ABRAXAS1: variants seen among roughly 807,000 people sequenced by gnomAD.
ABRAXAS1 encodes BRCA1-A complex subunit Abraxas 1.
ABRAXAS1 carries 26 observed loss-of-function variants against 38.4 expected under a neutral mutation model. That is an observed-to-expected ratio of 0.68 (90% CI 0.50 to 0.94). The LOEUF (loss-of-function observed/expected upper bound fraction) is 0.94, where lower values mean the gene tolerates loss of function less well. Among genes scored for constraint, ABRAXAS1 ranks in the 40% least tolerant of loss-of-function variants. The pLI, the probability that ABRAXAS1 is intolerant of heterozygous loss-of-function variation, is 0.00. For missense variants in ABRAXAS1, 438 were observed against 481.9 expected (o/e 0.91, Z 0.85); for synonymous variants, 144 against 165.5 (o/e 0.87, Z 1.00).
intron 6 of ABRAXAS1, among the ~76,000 whole-genome samples, chr4:83,468,045 G>T (rs1168937983): frequency 6.6e-6 from 1 of 152,168 alleles, no homozygotes; most frequent in African/African-American, 2.4e-5. Context: ...GCTCACGCCT[G>T]TAATCCCAAC....
chr4:83,478,158 C>T, intron 2 of ABRAXAS1: 3 of 751,518 alleles, frequency 4.0e-6, no homozygotes, highest in Non-Finnish European at 4.8e-6. Context: ...ACAACTTTAA[C>T]TCACTTTGTT....
intron 5 of ABRAXAS1, 166 bp from the exon 6 acceptor site, chr4:83,469,317 T>G (rs900956070): frequency 1.8e-5 from 3 of 162,560 alleles, no homozygotes; most frequent in South Asian, 1.5e-4. Context: ...GAAACAACTG[T>G]TTTTTTTTTT....
At chr4:83,482,349 C>A in intron 1 of ABRAXAS1, 105 bp from the exon 2 acceptor site, 1 of 577,028 alleles carries the variant, frequency 1.7e-6, no homozygotes, top group South Asian at 2.6e-5. Flanking sequence ...TATGTGCTAC[C>A]AGTCGGGGGC....
Position 83,470,263 on chromosome 4 carries a change from A to T in ABRAXAS1, c.416T>A (p.Ile139Lys), listed in dbSNP as rs780316562. 1 of 1,613,810 alleles carries T rather than the reference A, an allele frequency of 6.2e-7. No individual in the cohort carries two copies. The highest frequency in any genetic ancestry group is 1.1e-5 in the South Asian group (1 of 91,064). The change falls in exon 5 of 9, where the codon ATA becomes AAA. Residue 139 changes from isoleucine (I) to lysine (K), a missense_variant. Coordinates refer to ENST00000321945, the MANE Select transcript of ABRAXAS1 (RefSeq NM_139076.3). Reference sequence around the variant, plus strand: ...ATGAGTAGAGCAGCTTTCTGTTATTATACTTGGTGTTAATAGCAGAAAAAC... The same window carrying T: ...ATGAGTAGAGCAGCTTTCTGTTATTTTACTTGGTGTTAATAGCAGAAAAAC... ...DLVFLLLTPS[I>K]ITESCSTHRL...
rs115270875 is a variant in ABRAXAS1 at position 83,461,894 on chromosome 4, T to C, written c.*575A>G. The C allele has an allele frequency of 0.031, 7,143 of 229,204 alleles. 181 individuals are homozygous for C. The highest frequency in any genetic ancestry group is 0.047 in the Non-Finnish European group (5,494 of 115,672). The allele number at this position is 229,204 out of a possible 1,614,324, so 14.2% of individuals were successfully genotyped here. A position where few individuals can be genotyped will look rare whatever the true frequency, so the allele number is the denominator to read the frequency against. ...ACAAATGTAGGACAAATTTAAATTT[T>C]AGATGATGTTTTGCAAATTTATTGC... is the stretch of plus-strand genomic sequence containing the variant. On this transcript the variant is annotated 3_prime_UTR_variant, in exon 9 of 9. Coordinates refer to ENST00000321945, the MANE Select transcript of ABRAXAS1 (RefSeq NM_139076.3).
chr4:83,477,704 C>T (rs149239723), intron 2 of ABRAXAS1: 71 of 611,050 alleles, frequency 1.2e-4, no homozygotes, highest in Middle Eastern at 5.5e-4. Context: ...AAAATATAGA[C>T]GGATGTTTCA....
intron 2 of ABRAXAS1, chr4:83,477,630 C>A (rs1015395665): frequency 5.9e-6 from 3 of 510,612 alleles, no homozygotes; most frequent in African/African-American, 5.9e-5. Flanking sequence ...TCCCCATGGA[C>A]CTTGCCAAAA....
rs773434048 is a variant in ABRAXAS1, at chr4:83,469,095, C to A, written c.533G>T (p.Gly178Val). Residue 178 changes from glycine (G) to valine (V), a missense_variant, in exon 6 of 9, where the codon GGT becomes GTT. Around this residue, in one of 3 missense-constraint regions of ABRAXAS1, gnomAD observed 194 missense variants for 269.0 expected, o/e 0.72. Coordinates refer to ENST00000321945, the MANE Select transcript of ABRAXAS1 (RefSeq NM_139076.3). Reference protein sequence around the residue: ...VANLGMSEQLGYKTVSGSCMS... With the variant: ...VANLGMSEQLVYKTVSGSCMS... Reference sequence around the variant, plus strand: ...ACAGGAACCTGATACAGTTTTATAACCCAGTTGTTCAGACATGCCCAGATT... The same window carrying A: ...ACAGGAACCTGATACAGTTTTATAAACCAGTTGTTCAGACATGCCCAGATT... 10 of 1,613,818 alleles carry A rather than the reference C, an allele frequency of 6.2e-6. No individual in the cohort carries two copies. Among genetic ancestry groups the A allele is most frequent in the South Asian group, 1.1e-5 (1 of 91,076 alleles).
At chr4:83,465,519 G>A (rs1371463141) in intron 7 of ABRAXAS1, among the ~76,000 whole-genome samples, 1 of 152,144 alleles carries the variant, frequency 6.6e-6, no homozygotes, top group African/African-American at 2.4e-5. Context: ...TGGATGTGGT[G>A]GCTCACACCT....
In ABRAXAS1 at chr4:83,479,960, C is replaced by CA. The variant is rs34519573; in HGVS notation, c.178+2193dup. 355 of 139,736 alleles carry CA rather than the reference C, an allele frequency of 2.5e-3. 2 individuals carry two copies. Among genetic ancestry groups the CA allele is most frequent in the South Asian group, 5.0e-3 (23 of 4,626 alleles). 8.7% of individuals were successfully genotyped at this position (139,736 alleles called of 1,614,324 possible). A position where few individuals can be genotyped will look rare whatever the true frequency, so the allele number is the denominator to read the frequency against. ...TGGCTGAAAGAGCAAGACCTCATCT[C>CA]AAAAAAAAAAAAAACAAAGAGTGAT... On this transcript the variant is annotated intron_variant, in intron 2 of 8. Transcript: ENST00000321945.
Position 83,462,486 on chromosome 4 carries a change from G to T in ABRAXAS1, c.1213C>A (p.Arg405=), listed in dbSNP as rs748616526. 4 of 1,612,508 alleles carry T rather than the reference G, an allele frequency of 2.5e-6. No individual in the cohort carries two copies. The change falls in exon 9 of 9, where the codon CGG becomes AGG. Residue 405 remains arginine, a synonymous_variant. Transcript: ENST00000321945. The part of the protein sequence containing the change: ...EKMKGFGEYS[R]SPTF ...TAAAAGGATCAAAATGTAGGAGACC[G>T]TGAATATTCACCAAAACCCTTCATC...
intron 2 of ABRAXAS1, chr4:83,478,318 G>C (rs1379106306): frequency 1.6e-6 from 1 of 623,842 alleles, no homozygotes; most frequent in Non-Finnish European, 3.1e-6. Context: ...GGAAACATGA[G>C]GGCTTTTTTG....
At chr4:83,483,159 T>C (rs1723055668) in intron 1 of ABRAXAS1, among the ~76,000 whole-genome samples, 1 of 152,208 alleles carries the variant, frequency 6.6e-6, no homozygotes, top group Non-Finnish European at 1.5e-5. Flanking sequence ...GTGAGCCCGA[T>C]TCTTTTAAAA....
intron 3 of ABRAXAS1, among the ~76,000 whole-genome samples, chr4:83,472,731 A>G (rs1456486608): frequency 1.3e-5 from 2 of 152,184 alleles, no homozygotes; most frequent in Non-Finnish European, 2.9e-5. Context: ...TACAAAAGCT[A>G]TGTATTTTAG....
At chr4:83,480,674 T>A (rs1289291982) in intron 2 of ABRAXAS1, among the ~76,000 whole-genome samples, 1 of 152,060 alleles carries the variant, frequency 6.6e-6, no homozygotes, top group Non-Finnish European at 1.5e-5. Flanking sequence ...TAATACCATA[T>A]CTAGGAATCT....
At chr4:83,463,048 A>C in intron 8 of ABRAXAS1, 146 bp from the exon 9 acceptor site, 2 of 614,376 alleles carry the variant, frequency 3.3e-6, no homozygotes, top group South Asian at 4.5e-5. Flanking sequence ...TCTGAATTCT[A>C]ATTTATATGC....
intron 7 of ABRAXAS1, among the ~76,000 whole-genome samples, chr4:83,465,431 A>G (rs1722318164): frequency 6.6e-6 from 1 of 152,204 alleles, no homozygotes; most frequent in Admixed American, 6.5e-5. Flanking sequence ...GACTATATCA[A>G]AGTATACATA....
intron 6 of ABRAXAS1, among the ~76,000 whole-genome samples, chr4:83,468,206 GA>G (rs1248163176): frequency 2.6e-5 from 4 of 151,710 alleles, no homozygotes; most frequent in Admixed American, 2.6e-4. Context: ...TCAGGAGGCT[GA>G]AGCAGGAGAA....
Position 83,462,637 on chromosome 4 carries a change from T to C in ABRAXAS1, c.1062A>G (p.Arg354=), listed in dbSNP as rs769589027. The C allele has an allele frequency of 2.5e-6, 4 of 1,614,134 alleles. No individual in the cohort carries two copies. In the South Asian group the frequency reaches 4.4e-5, roughly 18 times the overall value. ...IKHKALDLDD[R]WQFKRSRLLD... ...ACAACCGAGATCTCTTGAATTGCCA[T>C]CTGTCATCTAAGTCTAAGGCTTTAT... The change falls in exon 9 of 9, where the codon AGA becomes AGG. Residue 354 remains arginine (R), a synonymous_variant. Transcript: ENST00000321945.
Sources: allele counts gnomAD v4.1 joint callset (sites outside exome capture counted in the v4.1 genomes callset), GRCh38; gene constraint gnomAD v4.1.1; regional missense constraint gnomAD v4.1.1; transcripts MANE v1.5; gene names NCBI Gene and HGNC (gene_info 2026-07-23, HGNC 2026-07-21).